RET: variants seen among roughly 807,000 people sequenced by gnomAD.
The protein encoded by RET is proto-oncogene tyrosine-protein kinase receptor Ret.
In RET, 19 loss-of-function variants were observed where a neutral mutation model predicts 118.3. The observed-to-expected ratio is 0.16, with a 90% CI of 0.11 to 0.24. RET has a LOEUF of 0.24. Ranked by LOEUF, RET falls within the 10% of genes least tolerant of loss-of-function variation. The pLI, the probability that RET is intolerant of heterozygous loss-of-function variation, is 1.00. For synonymous variants in RET, 597 were observed against 644.1 expected (o/e 0.93, Z 1.11); for missense variants, 1,219 against 1,502.1 (o/e 0.81, Z 3.12).
chr10:43,105,526 GC>G (rs917534430), intron 4 of RET, among the ~76,000 whole-genome samples: 2 of 152,172 alleles, frequency 1.3e-5, no homozygotes, highest in Non-Finnish European at 2.9e-5. Flanking sequence ...CCAGCAGTTA[GC>G]CCCCAACGGG....
In RET at chr10:43,106,578, G is replaced by A. The variant is rs863224425; in HGVS notation, c.1063+7G>A. Reference sequence around the variant, plus strand: ...GCGACCGTACATGACTATAGTAAGAGGGGCTGGTGGCACGGCCTGGCTAGG... The same window carrying A: ...GCGACCGTACATGACTATAGTAAGAAGGGCTGGTGGCACGGCCTGGCTAGG... On this transcript the variant is annotated splice_region_variant and intron_variant, in intron 5 of 19. Transcript: ENST00000355710. The surrounding 1 kb of genome is among the most constrained non-coding windows in gnomAD (Gnocchi z 5.1). 6.2e-7 allele frequency: 1 copy of A among 1,612,926 alleles called. No individual in the cohort carries two copies. Among genetic ancestry groups the A allele is most frequent in the Non-Finnish European group, 8.5e-7 (1 of 1,179,490 alleles).
chr10:43,078,816 C>T (rs1837112458), intron 1 of RET, among the ~76,000 whole-genome samples: 1 of 152,188 alleles, frequency 6.6e-6, no homozygotes, highest in African/African-American at 2.4e-5. Flanking sequence ...CTTTCCGTGC[C>T]CAGACCCCTG....
chr10:43,096,541 G>A (rs76837320), intron 1 of RET, among the ~76,000 whole-genome samples: 1 of 152,134 alleles, frequency 6.6e-6, no homozygotes, highest in Non-Finnish European at 1.5e-5. Flanking sequence ...ATACACCCCT[G>A]TGCAGAGGTG....
chr10:43,105,672 C>G (rs1837756023), intron 4 of RET, among the ~76,000 whole-genome samples: 1 of 152,204 alleles, frequency 6.6e-6, no homozygotes, highest in Non-Finnish European at 1.5e-5. Flanking sequence ...GGGCCTCGGC[C>G]TTCCTGCAGC....
At chr10:43,082,936 G>A (rs1168949799) in intron 1 of RET, among the ~76,000 whole-genome samples, 1 of 152,204 alleles carries the variant, frequency 6.6e-6, no homozygotes, top group East Asian at 1.9e-4. Context: ...CTACTTGGCA[G>A]TGCAACTGGC....
chr10:43,089,405 G>T (rs897764820), intron 1 of RET, among the ~76,000 whole-genome samples: 1 of 152,222 alleles, frequency 6.6e-6, no homozygotes, highest in Non-Finnish European at 1.5e-5. Context: ...GGCTATGGGT[G>T]ACCAGCAAGC....
At chr10:43,095,729 C>G (rs1428040384) in intron 1 of RET, among the ~76,000 whole-genome samples, 1 of 152,196 alleles carries the variant, frequency 6.6e-6, no homozygotes, top group African/African-American at 2.4e-5. Context: ...TCCTGCATGC[C>G]CTGTGCGTGC....
chr10:43,084,365 TTC>T (rs1794552552), intron 1 of RET, among the ~76,000 whole-genome samples: 1 of 152,242 alleles, frequency 6.6e-6, no homozygotes, highest in African/African-American at 2.4e-5. Flanking sequence ...CCACGCATTA[TTC>T]TCTGTTATTC....
chr10:43,117,940 G>C (rs1324982101), intron 12 of RET, among the ~76,000 whole-genome samples: 1 of 152,184 alleles, frequency 6.6e-6, no homozygotes, highest in African/African-American at 2.4e-5. Flanking sequence ...GGGAAATGGG[G>C]AGCCTGGTCG....
rs751464792 is a variant in RET, at chr10:43,112,145, G to A, written c.1569G>A (p.Lys523=). The part of the protein sequence containing the change: ...AGCPLSCAVS[K]RRLECEECGG... ...GCCCCCTGTCCTGTGCAGTCAGCAAGAGACGGCTGGAGTGTGAGGAGTGTG... is the reference window on the plus strand; with the variant it reads ...GCCCCCTGTCCTGTGCAGTCAGCAAAAGACGGCTGGAGTGTGAGGAGTGTG... The change falls in exon 8 of 20, where the codon AAG becomes AAA. Residue 523 remains lysine, a synonymous_variant. Transcript: ENST00000355710. 1 of 1,595,356 alleles carries A rather than the reference G, an allele frequency of 6.3e-7. No individual in the cohort carries two copies. Among genetic ancestry groups the A allele is most frequent in the East Asian group, 2.3e-5 (1 of 43,886 alleles).
chr10:43,124,683 C>G (rs1361532288), intron 17 of RET, among the ~76,000 whole-genome samples, 200 bp from the exon 18 acceptor site: 3 of 152,324 alleles, frequency 2.0e-5, no homozygotes, highest in Non-Finnish European at 4.4e-5. Context: ...GCACAGTGGC[C>G]CACGGGCTGG....
At chr10:43,125,500 C>T (rs1838310102) in intron 18 of RET, among the ~76,000 whole-genome samples, 2 of 152,130 alleles carry the variant, frequency 1.3e-5, no homozygotes, top group Admixed American at 1.3e-4. Flanking sequence ...ATGTTGTCTC[C>T]CAGTTTTTAT....
At chr10:43,081,848 C>T (rs1837191220) in intron 1 of RET, among the ~76,000 whole-genome samples, 1 of 152,190 alleles carries the variant, frequency 6.6e-6, no homozygotes, top group Non-Finnish European at 1.5e-5. Flanking sequence ...ATTCTTTGTC[C>T]CCTGAGGCAG....
intron 1 of RET, among the ~76,000 whole-genome samples, chr10:43,080,620 C>G (rs1837158325): frequency 6.6e-6 from 1 of 152,234 alleles, no homozygotes; most frequent in African/African-American, 2.4e-5. Context: ...AGCCTGCCCA[C>G]CCACTGGTGA....
At chr10:43,123,852 G>A in intron 17 of RET, 44 bp downstream of exon 17, 1 of 1,613,064 alleles carries the variant, frequency 6.2e-7, no homozygotes, top group South Asian at 1.1e-5. Context: ...TGGGAAGGGA[G>A]GGGACATCTG....
intron 2 of RET, among the ~76,000 whole-genome samples, chr10:43,101,693 T>G (rs1837645871): frequency 6.6e-6 from 1 of 152,216 alleles, no homozygotes; most frequent in South Asian, 2.1e-4. Context: ...AGAGGCTTCA[T>G]GCACAGCCAG....
At chr10:43,104,721 A>G (rs1837718304) in intron 3 of RET, 2 of 650,788 alleles carry the variant, frequency 3.1e-6, no homozygotes, top group Non-Finnish European at 5.2e-6. Context: ...CAGCTGCAGC[A>G]GGACGTAAGC....
In RET at chr10:43,126,594, C is replaced by T. The variant is rs372191563; in HGVS notation, c.3059C>T (p.Ala1020Val). The part of the protein sequence containing the change: ...VKRRDYLDLA[A>V]STPSDSLIYD... ...TTCCAGGACTACTTGGACCTTGCGGCGTCCACTCCATCTGACTCCCTGATT... is the reference window on the plus strand; with the variant it reads ...TTCCAGGACTACTTGGACCTTGCGGTGTCCACTCCATCTGACTCCCTGATT... Residue 1020 changes from alanine to valine, a missense_variant, in exon 19 of 20, where the codon GCG becomes GTG. Around this residue, in one of 5 missense-constraint regions of RET, gnomAD observed 174 missense variants for 179.3 expected, o/e 0.97. Transcript: ENST00000355710. The T allele has an allele frequency of 2.0e-5, 32 of 1,614,080 alleles. No homozygotes were observed. In the Middle Eastern group the frequency reaches 5.0e-4, roughly 25 times the overall value.
Position 43,114,099 on chromosome 10 carries a change from C to T in RET, c.1880-381C>T, listed in dbSNP as rs558068640. Among the ~76,000 whole-genome samples the T allele has an allele frequency of 4.5e-4, 69 of 152,188 alleles. No homozygotes were observed. Among genetic ancestry groups the T allele is most frequent in the Non-Finnish European group, 4.4e-4 (30 of 68,032 alleles). On this transcript the variant is annotated intron_variant, in intron 10 of 19. Coordinates refer to ENST00000355710, the MANE Select transcript of RET (RefSeq NM_020975.6). This position sits in a 1 kb window ranked among gnomAD's most constrained non-coding sequence, Gnocchi z 4.6. ...AGTTTTCTGGTATTATATAGCCCTA[C>T]GTCCCTAGCCACTTAGCATTTTCAT...
Sources: gnomAD v4.1 joint callset for allele counts (sites outside exome capture counted in the v4.1 genomes callset) on GRCh38, gnomAD v4.1.1 for gene constraint, gnomAD v4.1.1 regional missense constraint, Gnocchi (gnomAD v3.1) non-coding constraint, MANE v1.5 for transcripts, NCBI Gene and HGNC (gene_info 2026-07-23, HGNC 2026-07-21) for gene names.